Variants in WWC1 observed in about 807,000 individuals in gnomAD.
WWC1 encodes the protein protein KIBRA.
Under a neutral mutation model 138.4 loss-of-function variants are expected in WWC1, and 55 were observed. That is an observed-to-expected ratio of 0.40 (90% confidence interval 0.32 to 0.50). The LOEUF is 0.50. Among genes scored for constraint, WWC1 ranks in the 20% least tolerant of loss-of-function variants. WWC1 has a pLI of 0.72. For missense variants in WWC1, 1,226 were observed against 1,420.4 expected (o/e 0.86, Z 2.20); for synonymous variants, 524 against 564.9 (o/e 0.93, Z 1.03).
rs569284144 is a variant in WWC1, at chr5:168,430,034, C to A, written c.2001-103C>A. The stretch of plus-strand genomic sequence containing the variant: ...GTGCTCTAGAGCTCACCATAGGCCC[C>A]AGGGCAGCCAACAGCCACGTCCTGT... On this transcript the variant is annotated intron_variant, in intron 13 of 22. Transcript: ENST00000265293. 1,056 of 851,184 alleles carry A rather than the reference C, an allele frequency of 1.2e-3. 1 individual carries two copies. Among genetic ancestry groups the A allele is most frequent in the Non-Finnish European group, 1.8e-3 (950 of 527,008 alleles). The allele number at this position is 851,184 out of a possible 1,614,324, so 52.7% of individuals were successfully genotyped here.
At chr5:168,467,999 T>G in intron 22 of WWC1, 35 bp downstream of exon 22, 1 of 1,612,648 alleles carries the variant, frequency 6.2e-7, no homozygotes, top group Non-Finnish European at 8.5e-7. Flanking sequence ...CCCATCCCTT[T>G]CTCAGCCAAC....
chr5:168,343,124 C>T (rs1465861098), intron 1 of WWC1, among the ~76,000 whole-genome samples: 1 of 149,024 alleles, frequency 6.7e-6, no homozygotes, highest in East Asian at 1.9e-4. Context: ...CTCAACTTTA[C>T]TTCCCTTTCA....
intron 3 of WWC1, among the ~76,000 whole-genome samples, chr5:168,386,022 C>T (rs1306345347): frequency 6.6e-6 from 1 of 152,094 alleles, no homozygotes; most frequent in Non-Finnish European, 1.5e-5. Flanking sequence ...TTCTGTTTCC[C>T]TACCCCACCC....
chr5:168,437,369 A>T (rs970082734), intron 15 of WWC1, among the ~76,000 whole-genome samples: 1 of 152,164 alleles, frequency 6.6e-6, no homozygotes, highest in Non-Finnish European at 1.5e-5. Flanking sequence ...TGAAATCAAG[A>T]TGCACTATGT....
intron 1 of WWC1, among the ~76,000 whole-genome samples, chr5:168,343,816 C>CAAA (rs35208487): frequency 2.2e-5 from 3 of 135,604 alleles, no homozygotes; most frequent in Admixed American, 7.3e-5. Context: ...GACTATGTCT[C>CAAA]AAAAAAAAAA....
At chr5:168,310,082 A>G (rs1486516809) in intron 1 of WWC1, among the ~76,000 whole-genome samples, 1 of 152,126 alleles carries the variant, frequency 6.6e-6, no homozygotes, top group Non-Finnish European at 1.5e-5. Context: ...ACCTTCTCGA[A>G]GCTGGTCTCA....
chr5:168,363,278 T>A (rs4976596), intron 1 of WWC1, among the ~76,000 whole-genome samples: 1 of 151,832 alleles, frequency 6.6e-6, no homozygotes, highest in African/African-American at 2.4e-5. Flanking sequence ...AATCCCAGAA[T>A]TTTGGGAGGC....
rs113870642 is a variant in WWC1 at position 168,471,653 on chromosome 5, G to C, written c.*2636G>C. The stretch of plus-strand genomic sequence containing the variant: ...TTGGCTCCCATGATTAGACCAAGGA[G>C]AGGCATGGGGTCCAGCTGAGCCATT... On this transcript the variant is annotated 3_prime_UTR_variant, in exon 23 of 23. Coordinates refer to ENST00000265293, the MANE Select transcript of WWC1 (RefSeq NM_015238.3). 22 of 152,390 alleles carry C rather than the reference G, an allele frequency of 1.4e-4. No homozygotes were observed. Among genetic ancestry groups the C allele is most frequent in the African/African-American group, 4.3e-4 (18 of 41,588 alleles). The allele number at this position is 152,390 out of a possible 1,614,324, so 9.4% of individuals were successfully genotyped here.
chr5:168,349,127 G>A lies in WWC1; in HGVS notation c.120-22297G>A, dbSNP rs150645701. 2.0e-3 allele frequency among the ~76,000 whole-genome samples: 298 copies of A among 152,186 alleles called. 2 individuals are homozygous for A. The highest frequency in any genetic ancestry group is 4.2e-3 in the South Asian group (20 of 4,808). The stretch of plus-strand genomic sequence containing the variant: ...GCCGAGTCCCTTCTGTTCCCTGTGC[G>A]TCAATTTCCCCATCTCCACAATGAG... On this transcript the variant is annotated intron_variant, in intron 1 of 22. Transcript: ENST00000265293.
chr5:168,390,896 C>A (rs1230009427), intron 3 of WWC1, among the ~76,000 whole-genome samples: 1 of 152,202 alleles, frequency 6.6e-6, no homozygotes, highest in Non-Finnish European at 1.5e-5. Flanking sequence ...AAGTAATCTC[C>A]CTCCTGAATC....
At chr5:168,396,821 A>G (rs935711539) in intron 3 of WWC1, among the ~76,000 whole-genome samples, 2 of 152,228 alleles carry the variant, frequency 1.3e-5, no homozygotes, top group Middle Eastern at 6.3e-3. Flanking sequence ...GATTACAACT[A>G]CGTGATAGAA....
At chr5:168,316,463 C>T (rs1771607527) in intron 1 of WWC1, among the ~76,000 whole-genome samples, 1 of 152,150 alleles carries the variant, frequency 6.6e-6, no homozygotes, top group African/African-American at 2.4e-5. Flanking sequence ...GTGGGGCTGG[C>T]TCCGGGCAGG....
chr5:168,428,802 CGAG>C lies in WWC1; in HGVS notation c.2000+21_2000+23del, dbSNP rs761631556. On this transcript the variant is annotated intron_variant, in intron 13 of 22. Transcript: ENST00000265293. Reference sequence around the variant, plus strand: ...ATTGCCCTGAAGTAAGTGACGAGGACGAGGAGGACAGAAGGAACGGTCTGTGTG... The same window carrying C: ...ATTGCCCTGAAGTAAGTGACGAGGACGAGGACAGAAGGAACGGTCTGTGTG... The C allele has an allele frequency of 1.1e-4, 185 of 1,613,314 alleles. No homozygotes were observed. In the Admixed American group the frequency reaches 3.0e-3, roughly 26 times the overall value.
At chr5:168,330,586 G>C (rs1221291205) in intron 1 of WWC1, among the ~76,000 whole-genome samples, 2 of 152,164 alleles carry the variant, frequency 1.3e-5, no homozygotes, top group Non-Finnish European at 2.9e-5. Context: ...AGGGGAAGAG[G>C]TAGTGGGAGG....
intron 14 of WWC1, 44 bp downstream of exon 14, chr5:168,430,267 T>C (rs1305234151): frequency 6.5e-7 from 1 of 1,547,212 alleles, no homozygotes; most frequent in Admixed American, 1.7e-5. Flanking sequence ...CCTAACCCTC[T>C]GGAGTTACCC....
chr5:168,401,601 C>T (rs1295699961), intron 5 of WWC1, among the ~76,000 whole-genome samples: 1 of 152,328 alleles, frequency 6.6e-6, no homozygotes, highest in East Asian at 1.9e-4. Context: ...CACACAAATT[C>T]AGCACAACAC....
Position 168,455,431 on chromosome 5 carries a change from A to G in WWC1, c.2734A>G (p.Thr912Ala), listed in dbSNP as rs898610851. 6 of 1,611,720 alleles carry G rather than the reference A, an allele frequency of 3.7e-6. No homozygotes were observed. Among genetic ancestry groups the G allele is most frequent in the Non-Finnish European group, 5.1e-6 (6 of 1,179,076 alleles). Residue 912 changes from threonine to alanine, a missense_variant, in exon 19 of 23, where the codon ACC becomes GCC. Physicochemically the swap from Thr to Ala is moderately conservative, Grantham distance 58 (BLOSUM62 0). Around this residue, in one of 3 missense-constraint regions of WWC1, gnomAD observed 1,016 missense variants for 1,153.9 expected, o/e 0.88. Coordinates refer to ENST00000265293, the MANE Select transcript of WWC1 (RefSeq NM_015238.3). ...VVRPKDRRVG[T>A]PSQGPFLRGS... ...GCGACCTAAGGACCGGAGAGTGGGC[A>G]CCCCGTCCCAGGGGCCATTTCTTCG...
chr5:168,420,809 C>T (rs1298384924), intron 9 of WWC1, among the ~76,000 whole-genome samples: 1 of 152,176 alleles, frequency 6.6e-6, no homozygotes, highest in Non-Finnish European at 1.5e-5. Context: ...CTCAAGCCTC[C>T]ACCATCTCGG....
At chr5:168,296,768 T>G (rs1769571780) in intron 1 of WWC1, among the ~76,000 whole-genome samples, 1 of 152,194 alleles carries the variant, frequency 6.6e-6, no homozygotes, top group African/African-American at 2.4e-5. Context: ...CCTCAACCTT[T>G]GTGGAGCTGT....
Sources: allele counts gnomAD v4.1 joint callset (sites outside exome capture counted in the v4.1 genomes callset), GRCh38; gene constraint gnomAD v4.1.1; regional missense constraint gnomAD v4.1.1; transcripts MANE v1.5; gene names NCBI Gene and HGNC (gene_info 2026-07-23, HGNC 2026-07-21).